Variants in HPRT1 observed in about 807,000 individuals in gnomAD.
HPRT1 encodes hypoxanthine-guanine phosphoribosyltransferase.
Under a neutral mutation model 19.0 loss-of-function variants are expected in HPRT1, and 4 were observed. The ratio of observed to expected loss-of-function variants is 0.21; its 90% CI spans 0.10 to 0.48. The LOEUF is 0.48. Among genes scored for constraint, HPRT1 ranks in the 20% least tolerant of loss-of-function variants. HPRT1 has a pLI of 0.98. For missense variants in HPRT1, 65 were observed against 164.0 expected (o/e 0.40, Z 3.30); for synonymous variants, 53 against 54.9 (o/e 0.97, Z 0.15).
chrX:134,482,879 T>G (rs770719944), intron 3 of HPRT1, among the ~76,000 whole-genome samples: 2 of 110,893 alleles, frequency 1.8e-5, no homozygotes, highest in South Asian at 7.6e-4. Flanking sequence ...CATTCTCACT[T>G]TTGTTGGCAT....
At chrX:134,479,668 G>A (rs745510887) in intron 3 of HPRT1, among the ~76,000 whole-genome samples, 1 of 111,273 alleles carries the variant, frequency 9.0e-6, no homozygotes, top group East Asian at 2.8e-4. Flanking sequence ...GAGTGCAGTG[G>A]TGCCATCTTG....
rs764968817 is a variant in HPRT1, at chrX:134,491,895, C to A, written c.403-1613C>A. ...TACAGGTGTGCGCCACCATGCCTGGCTAATTGTGTGTGTGTGTGTGTGTAT... is the reference window on the plus strand; with the variant it reads ...TACAGGTGTGCGCCACCATGCCTGGATAATTGTGTGTGTGTGTGTGTGTAT... On this transcript the variant is annotated intron_variant, in intron 5 of 8. Transcript: ENST00000298556. Among the ~76,000 whole-genome samples, 3 of 102,514 alleles carry A rather than the reference C, an allele frequency of 2.9e-5. No homozygotes were observed. In the East Asian group the frequency reaches 9.0e-4, roughly 31 times the overall value. The allele number at this position is 102,514 out of a possible 115,157, so 89.0% of individuals were successfully genotyped here.
intron 1 of HPRT1, among the ~76,000 whole-genome samples, chrX:134,472,981 A>G (rs1388163791): frequency 9.4e-6 from 1 of 106,225 alleles, no homozygotes; most frequent in Non-Finnish European, 2.0e-5. Context: ...TTCACCTCCC[A>G]GGTTCAAGTG....
chrX:134,460,904 C>A (rs1362739240), intron 1 of HPRT1, among the ~76,000 whole-genome samples: 1 of 111,475 alleles, frequency 9.0e-6, no homozygotes, highest in Admixed American at 9.5e-5. Context: ...TAGCGGTAAC[C>A]ATGCGTATTT....
chrX:134,479,599 GTTTTGT>G (rs373247002), intron 3 of HPRT1, among the ~76,000 whole-genome samples: 3 of 109,564 alleles, frequency 2.7e-5, no homozygotes, highest in Non-Finnish European at 5.7e-5. Context: ...TGTTGTTGTT[GTTTTGT>G]TTTTGTTTTT....
At chrX:134,491,709 C>T (rs774256780) in intron 5 of HPRT1, among the ~76,000 whole-genome samples, 2 of 109,000 alleles carry the variant, frequency 1.8e-5, no homozygotes, top group East Asian at 5.7e-4. Context: ...CTCTTCAATT[C>T]ACTTGGACCT....
chrX:134,470,107 TC>T (rs1351166545), intron 1 of HPRT1, among the ~76,000 whole-genome samples: 1 of 112,590 alleles, frequency 8.9e-6, no homozygotes, highest in African/African-American at 3.2e-5. Context: ...AGAAATTTTT[TC>T]TGCTTATGAA....
intron 5 of HPRT1, among the ~76,000 whole-genome samples, chrX:134,492,148 C>T (rs1337315079): frequency 1.4e-4 from 14 of 103,666 alleles, no homozygotes; most frequent in South Asian, 4.3e-4. Flanking sequence ...ACCTCGGCCT[C>T]GCAAAGTGCT....
At chrX:134,465,596 A>G (rs971896946) in intron 1 of HPRT1, among the ~76,000 whole-genome samples, 5 of 112,583 alleles carry the variant, frequency 4.4e-5, no homozygotes, top group African/African-American at 1.3e-4. Context: ...TAATTTCTCA[A>G]TACTCTTTCA....
intron 4 of HPRT1, among the ~76,000 whole-genome samples, chrX:134,488,817 A>G (rs936570350): frequency 1.8e-5 from 2 of 112,095 alleles, no homozygotes; most frequent in Non-Finnish European, 3.8e-5. Context: ...TGGGAAAAAA[A>G]CATAACTGTG....
At chrX:134,485,362 C>A (rs1442657230) in intron 3 of HPRT1, among the ~76,000 whole-genome samples, 2 of 111,871 alleles carry the variant, frequency 1.8e-5, no homozygotes, top group Admixed American at 1.9e-4. Flanking sequence ...AGAACCTCTT[C>A]AGTTTTGGTT....
At chrX:134,481,517 AT>A (rs2077640163) in intron 3 of HPRT1, among the ~76,000 whole-genome samples, 1 of 102,625 alleles carries the variant, frequency 9.7e-6, no homozygotes, top group Non-Finnish European at 2.0e-5. Context: ...CTATCTATCT[AT>A]CTATCTATCT....
At chrX:134,462,093 G>T (rs1035511682) in intron 1 of HPRT1, among the ~76,000 whole-genome samples, 12 of 111,354 alleles carry the variant, frequency 1.1e-4, no homozygotes, top group South Asian at 3.8e-4. Flanking sequence ...CAGGCTCAGG[G>T]GATTCTCCCA....
intron 8 of HPRT1, among the ~76,000 whole-genome samples, chrX:134,499,501 C>A (rs2077689741): frequency 9.8e-6 from 1 of 101,991 alleles, no homozygotes; most frequent in African/African-American, 3.6e-5. Flanking sequence ...AAACAAAAAA[C>A]TACGTATTAA....
chrX:134,479,485 G>C (rs1434844512), intron 3 of HPRT1, among the ~76,000 whole-genome samples: 1 of 111,628 alleles, frequency 9.0e-6, no homozygotes, highest in Non-Finnish European at 1.9e-5. Flanking sequence ...GGCCAGGCTG[G>C]TCTAGAACTC....
At chrX:134,465,638 C>T (rs2077595056) in intron 1 of HPRT1, among the ~76,000 whole-genome samples, 1 of 112,503 alleles carries the variant, frequency 8.9e-6, no homozygotes, top group Non-Finnish European at 1.9e-5. Context: ...CGATTTTTAT[C>T]ATTCACAAGT....
At chrX:134,462,007 G>T (rs1004503739) in intron 1 of HPRT1, among the ~76,000 whole-genome samples, 1 of 110,683 alleles carries the variant, frequency 9.0e-6, no homozygotes, top group African/African-American at 3.3e-5. Context: ...GTCTCACTCT[G>T]TCACCTAGGA....
rs999395857 is a variant in HPRT1 at position 134,500,220 on chromosome X, T to C, written c.*143T>C. The C allele has an allele frequency of 7.9e-6, 4 of 507,110 alleles. No homozygotes were observed. The highest frequency in any genetic ancestry group is 7.0e-5 in the African/African-American group (3 of 42,554). The allele number at this position is 507,110 out of a possible 1,213,427, so 41.8% of individuals were successfully genotyped here. A position where few individuals can be genotyped will look rare whatever the true frequency, so the allele number is the denominator to read the frequency against. On this transcript the variant is annotated 3_prime_UTR_variant, in exon 9 of 9. Coordinates refer to ENST00000298556, the MANE Select transcript of HPRT1 (RefSeq NM_000194.3). ...TAAGAATTTTATCTGTTTTGTACTTTAGAAATGTCAGTTGCTGCATTCCTA... is the reference window on the plus strand; with the variant it reads ...TAAGAATTTTATCTGTTTTGTACTTCAGAAATGTCAGTTGCTGCATTCCTA...
At position 134,473,563 on chromosome X, in the gene HPRT1, G is replaced by A. The variant is rs932836425; in HGVS notation, c.134+98G>A. 3 of 532,947 alleles carry A rather than the reference G, an allele frequency of 5.6e-6. No homozygotes were observed. In the South Asian group the frequency reaches 7.8e-5, roughly 14 times the overall value. 43.9% of individuals were successfully genotyped at this position (532,947 alleles called of 1,213,427 possible). A position where few individuals can be genotyped will look rare whatever the true frequency, so the allele number is the denominator to read the frequency against. On this transcript the variant is annotated intron_variant, in intron 2 of 8. Coordinates refer to ENST00000298556, the MANE Select transcript of HPRT1 (RefSeq NM_000194.3). ...TACTTGCTATTTGAACATAAACTAG[G>A]CCAACTTATTAAATAACTGATGCTT...
Sources: allele counts gnomAD v4.1 joint callset (sites outside exome capture counted in the v4.1 genomes callset), GRCh38; gene constraint gnomAD v4.1.1; transcripts MANE v1.5; gene names NCBI Gene and HGNC (gene_info 2026-07-23, HGNC 2026-07-21).